The following NKAIN2 variants were observed in gnomAD, a reference collection of about 807,000 sequenced individuals.
NKAIN2 encodes sodium/potassium transporting ATPase interacting 2, also known as sodium/potassium-transporting ATPase subunit beta-1-interacting protein 2.
NKAIN2 carries 14 observed loss-of-function variants against 32.6 expected under a neutral mutation model. The ratio of observed to expected loss-of-function variants is 0.43; its 90% CI spans 0.28 to 0.67. NKAIN2 has a LOEUF of 0.67. NKAIN2 is among the 30% of genes least tolerant of loss of function. NKAIN2 has a pLI of 0.17. For missense variants in NKAIN2, 198 were observed against 258.3 expected (o/e 0.77, Z 1.60); for synonymous variants, 80 against 87.2 (o/e 0.92, Z 0.46).
At chr6:124,401,631 T>G (rs1405625374) in intron 3 of NKAIN2, among the ~76,000 whole-genome samples, 2 of 152,216 alleles carry the variant, frequency 1.3e-5, no homozygotes, top group Non-Finnish European at 2.9e-5. Flanking sequence ...CTGCTGCATA[T>G]GTTGTGTAAT....
At chr6:124,061,787 C>G (rs1003016373) in intron 1 of NKAIN2, among the ~76,000 whole-genome samples, 9 of 151,836 alleles carry the variant, frequency 5.9e-5, no homozygotes, top group African/African-American at 2.2e-4. Context: ...AAATACACAT[C>G]AAAAATAGTA....
intron 1 of NKAIN2, among the ~76,000 whole-genome samples, chr6:123,934,579 G>GTAC (rs1316329564): frequency 6.6e-6 from 1 of 151,934 alleles, no homozygotes; most frequent in African/African-American, 2.4e-5. Context: ...GGTTTCTTTA[G>GTAC]TACTTGGTAT....
At position 124,361,166 on chromosome 6, in the gene NKAIN2, C is replaced by CTATTCATT. The variant is rs1799272431; in HGVS notation, c.273+5821_273+5828dup. Among the ~76,000 whole-genome samples the CTATTCATT allele has an allele frequency of 2.0e-5, 3 of 152,018 alleles. No homozygotes were observed. In the South Asian group the frequency reaches 6.2e-4, roughly 32 times the overall value. ...AAACATATATAATATGGTGATTAAT[C>CTATTCATT]TATTCATTTCATCACCTGGAAAAAC... On this transcript the variant is annotated intron_variant, in intron 3 of 6. Coordinates refer to ENST00000368417, the MANE Select transcript of NKAIN2 (RefSeq NM_001040214.3).
intron 3 of NKAIN2, among the ~76,000 whole-genome samples, chr6:124,492,134 G>A: frequency 6.6e-6 from 1 of 151,830 alleles, no homozygotes; most frequent in East Asian, 1.9e-4. Context: ...ATAGCTCACA[G>A]AATATTTTAT....
In NKAIN2 at chr6:124,797,060, C is replaced by T. The variant is rs568234586; in HGVS notation, c.535+5661C>T. ...TTTCCCCACTGCAGTTGGATGTCCA[C>T]TCACAGTGATAGAATCAGGAACTGT... On this transcript the variant is annotated intron_variant, in intron 5 of 6. Coordinates refer to ENST00000368417, the MANE Select transcript of NKAIN2 (RefSeq NM_001040214.3). Among the ~76,000 whole-genome samples, 471 of 151,754 alleles carry T rather than the reference C, an allele frequency of 3.1e-3. 3 individuals are homozygous for T. Among genetic ancestry groups the T allele is most frequent in the Non-Finnish European group, 3.2e-3 (216 of 67,978 alleles).
intron 3 of NKAIN2, among the ~76,000 whole-genome samples, chr6:124,467,515 A>T (rs9375332): frequency 6.6e-6 from 1 of 151,950 alleles, no homozygotes; most frequent in Admixed American, 6.6e-5. Context: ...AAGGATCCCT[A>T]CATCTCCAAG....
At chr6:123,854,097 A>G (rs919463451) in intron 1 of NKAIN2, among the ~76,000 whole-genome samples, 1 of 152,168 alleles carries the variant, frequency 6.6e-6, no homozygotes, top group Non-Finnish European at 1.5e-5. Context: ...CCTTACTCAT[A>G]TATTCCTCTT....
At chr6:124,171,803 T>G (rs1252296301) in intron 1 of NKAIN2, among the ~76,000 whole-genome samples, 2 of 150,864 alleles carry the variant, frequency 1.3e-5, no homozygotes, top group East Asian at 3.9e-4. Flanking sequence ...CCGCCTGCCT[T>G]GGCCTCCCAA....
intron 1 of NKAIN2, among the ~76,000 whole-genome samples, chr6:123,862,083 A>T (rs975046360): frequency 6.6e-6 from 1 of 152,200 alleles, no homozygotes; most frequent in African/African-American, 2.4e-5. Context: ...TTCAATCTAG[A>T]TTCCAGCTTT....
chr6:123,869,065 A>C (rs1772732906), intron 1 of NKAIN2, among the ~76,000 whole-genome samples: 1 of 152,220 alleles, frequency 6.6e-6, no homozygotes, highest in Non-Finnish European at 1.5e-5. Context: ...GATCCTGAAG[A>C]GTTATTTAGT....
intron 3 of NKAIN2, among the ~76,000 whole-genome samples, chr6:124,633,169 G>A (rs1345066590): frequency 6.6e-6 from 1 of 152,146 alleles, no homozygotes; most frequent in Non-Finnish European, 1.5e-5. Flanking sequence ...AGTACAGTGG[G>A]AAGTCAGAGA....
chr6:124,809,984 AC>A, intron 5 of NKAIN2, among the ~76,000 whole-genome samples: 1 of 152,298 alleles, frequency 6.6e-6, no homozygotes, highest in Admixed American at 6.5e-5. Flanking sequence ...TCAGGAAACA[AC>A]AGGTGCTTGA....
chr6:124,262,768 A>G (rs1178509673), intron 1 of NKAIN2, among the ~76,000 whole-genome samples: 2 of 152,144 alleles, frequency 1.3e-5, no homozygotes, highest in Non-Finnish European at 2.9e-5. Flanking sequence ...AAAGGAAAAG[A>G]CCAAAAACTG....
chr6:124,687,437 T>TAC (rs1773997832), intron 4 of NKAIN2, among the ~76,000 whole-genome samples: 3 of 110,240 alleles, frequency 2.7e-5, no homozygotes, highest in African/African-American at 6.9e-5. Context: ...GTATACCATA[T>TAC]ACATACATGG....
chr6:123,828,430 C>T (rs1241904806), intron 1 of NKAIN2, among the ~76,000 whole-genome samples: 1 of 152,122 alleles, frequency 6.6e-6, no homozygotes, highest in African/African-American at 2.4e-5. Context: ...ACCAATAGCT[C>T]ATAAGGCAGT....
At chr6:123,830,048 A>G (rs933971221) in intron 1 of NKAIN2, among the ~76,000 whole-genome samples, 11 of 152,178 alleles carry the variant, frequency 7.2e-5, no homozygotes, top group Non-Finnish European at 1.3e-4. Context: ...TGTTAGGGAA[A>G]TGGGACTCAA....
chr6:124,173,863 C>T (rs1789022972), intron 1 of NKAIN2, among the ~76,000 whole-genome samples: 1 of 152,004 alleles, frequency 6.6e-6, no homozygotes, highest in Non-Finnish European at 1.5e-5. Context: ...TCAAACTTCT[C>T]TTCAGAGTAA....
In NKAIN2 at chr6:124,283,031, T is replaced by C. The variant is rs375957622; in HGVS notation, c.81T>C (p.Phe27=). 2.8e-5 allele frequency: 45 copies of C among 1,613,714 alleles called. No homozygotes were observed. Among genetic ancestry groups the C allele is most frequent in the Non-Finnish European group, 3.6e-5 (42 of 1,179,758 alleles). The stretch of plus-strand genomic sequence containing the variant: ...TTTGTGTGCTGGAGAGGCAAATATT[T>C]GACTTCCTTGGATATCAGTGGGCAC... ...QLVCVLERQI[F]DFLGYQWAPI... The change falls in exon 2 of 7, where the codon TTT becomes TTC. Residue 27 remains phenylalanine (F), a synonymous_variant. Coordinates refer to ENST00000368417, the MANE Select transcript of NKAIN2 (RefSeq NM_001040214.3).
intron 1 of NKAIN2, among the ~76,000 whole-genome samples, chr6:124,264,293 C>A (rs1794384413): frequency 6.6e-6 from 1 of 152,126 alleles, no homozygotes; most frequent in South Asian, 2.1e-4. Flanking sequence ...ACCTCAGCAA[C>A]CACTCCTGTA....
Sources: allele counts gnomAD v4.1 joint callset (sites outside exome capture counted in the v4.1 genomes callset), GRCh38; gene constraint gnomAD v4.1.1; transcripts MANE v1.5; gene names NCBI Gene and HGNC (gene_info 2026-07-23, HGNC 2026-07-21).